The following MERTK variants were observed in gnomAD, a reference collection of about 807,000 sequenced individuals.
MERTK encodes the protein tyrosine-protein kinase Mer.
A neutral mutation model predicts 99.3 loss-of-function variants in MERTK; 69 were observed. That is an observed-to-expected ratio of 0.70 (90% CI 0.57 to 0.85). The LOEUF (loss-of-function observed/expected upper bound fraction) is 0.85. MERTK is among the 40% of genes least tolerant of loss of function. The pLI, the probability that MERTK is intolerant of heterozygous loss-of-function variation, is 0.00. For missense variants in MERTK, 1,125 were observed against 1,249.4 expected (o/e 0.90, Z 1.50); for synonymous variants, 426 against 467.6 (o/e 0.91, Z 1.15).
chr2:112,026,560 T>C (rs1677464850), intron 18 of MERTK, among the ~76,000 whole-genome samples: 1 of 152,188 alleles, frequency 6.6e-6, no homozygotes, highest in Non-Finnish European at 1.5e-5. Context: ...TAAGTGACCA[T>C]CTAAAGAAGG....
intron 13 of MERTK, among the ~76,000 whole-genome samples, chr2:112,005,009 AGTG>A (rs1676952211): frequency 6.6e-6 from 1 of 152,184 alleles, no homozygotes; most frequent in Admixed American, 6.5e-5. Flanking sequence ...TGACAAAAAT[AGTG>A]GTAGATGCCA....
intron 6 of MERTK, among the ~76,000 whole-genome samples, chr2:111,970,576 A>G (rs1313357732): frequency 6.6e-6 from 1 of 152,222 alleles, no homozygotes; most frequent in African/African-American, 2.4e-5. Context: ...TATATTCATA[A>G]GAGATATTTG....
At chr2:111,934,369 T>A (rs1449289424) in intron 2 of MERTK, among the ~76,000 whole-genome samples, 1 of 152,174 alleles carries the variant, frequency 6.6e-6, no homozygotes, top group Non-Finnish European at 1.5e-5. Flanking sequence ...TTTCTCCACA[T>A]CCTCTCCAGC....
intron 2 of MERTK, 62 bp downstream of exon 2, chr2:111,929,602 A>ATTTAT (rs1553447432): frequency 2.2e-5 from 28 of 1,268,020 alleles, no homozygotes; most frequent in Middle Eastern, 2.7e-4. Flanking sequence ...TTATTTACTT[A>ATTTAT]TTGAGACAGA....
intron 1 of MERTK, among the ~76,000 whole-genome samples, chr2:111,908,606 A>G (rs1684184992): frequency 6.6e-6 from 1 of 152,204 alleles, no homozygotes; most frequent in Non-Finnish European, 1.5e-5. Flanking sequence ...CATGTCAGTT[A>G]CATTTGATTG....
chr2:111,905,856 A>G (rs1287704715), intron 1 of MERTK, among the ~76,000 whole-genome samples: 1 of 152,186 alleles, frequency 6.6e-6, no homozygotes, highest in Non-Finnish European at 1.5e-5. Context: ...TCAATGGTAA[A>G]TGGATTTTCC....
At chr2:111,916,604 T>G (rs564807164) in intron 1 of MERTK, among the ~76,000 whole-genome samples, 1 of 152,318 alleles carries the variant, frequency 6.6e-6, no homozygotes, top group South Asian at 2.1e-4. Flanking sequence ...ATTTCTTTGC[T>G]GTGGCTTTCT....
intron 15 of MERTK, among the ~76,000 whole-genome samples, chr2:112,014,989 A>C (rs1232476012): frequency 6.6e-6 from 1 of 152,174 alleles, no homozygotes; most frequent in African/African-American, 2.4e-5. Flanking sequence ...TATGTCTTTG[A>C]GATCCAACCA....
chr2:112,007,921 A>C (rs1376800932), intron 13 of MERTK, among the ~76,000 whole-genome samples: 2 of 151,896 alleles, frequency 1.3e-5, no homozygotes, highest in Non-Finnish European at 2.9e-5. Context: ...TCAGGTTTGC[A>C]GAAAAATTGG....
At position 112,001,042 on chromosome 2, in the gene MERTK, A is replaced by G. The variant is rs556045824; in HGVS notation, c.1605-159A>G. On this transcript the variant is annotated intron_variant, in intron 10 of 18. Transcript: ENST00000295408. The stretch of plus-strand genomic sequence containing the variant: ...TTTCAATATTGCCAAGTAAGTCTAA[A>G]ATAAATCAAAGGAAAGAAACACGTT... 2.0e-5 allele frequency among the ~76,000 whole-genome samples: 3 copies of G among 152,310 alleles called. No homozygotes were observed. In the South Asian group the frequency reaches 6.2e-4, roughly 32 times the overall value.
chr2:111,970,848 C>A (rs1676105566), intron 6 of MERTK, among the ~76,000 whole-genome samples: 2 of 132,810 alleles, frequency 1.5e-5, no homozygotes, highest in African/African-American at 5.8e-5. Flanking sequence ...TCTCCTCCTT[C>A]TCCTCCTCCT....
chr2:111,990,948 A>T (rs1249288297), intron 8 of MERTK, among the ~76,000 whole-genome samples: 2 of 152,122 alleles, frequency 1.3e-5, no homozygotes, highest in Non-Finnish European at 2.9e-5. Flanking sequence ...TTTTGAGATG[A>T]TTCTCTCATA....
intron 15 of MERTK, among the ~76,000 whole-genome samples, chr2:112,010,639 T>C (rs987685455): frequency 1.1e-4 from 17 of 152,314 alleles, no homozygotes; most frequent in Admixed American, 3.3e-4. Context: ...TGGAGACGCT[T>C]GCCTTTCTTC....
intron 18 of MERTK, among the ~76,000 whole-genome samples, chr2:112,026,527 A>C (rs1677464294): frequency 6.6e-6 from 1 of 152,186 alleles, no homozygotes; most frequent in Non-Finnish European, 1.5e-5. Flanking sequence ...TCAAAAATAA[A>C]AACAGAAACC....
intron 15 of MERTK, among the ~76,000 whole-genome samples, chr2:112,012,917 T>C (rs1677135351): frequency 6.6e-6 from 1 of 152,132 alleles, no homozygotes; most frequent in South Asian, 2.1e-4. Context: ...TAGGCAAAAA[T>C]GTGAGACCCA....
intron 2 of MERTK, among the ~76,000 whole-genome samples, chr2:111,938,195 G>A (rs1684797158): frequency 6.6e-6 from 1 of 152,086 alleles, no homozygotes; most frequent in Non-Finnish European, 1.5e-5. Context: ...TCCCACCTCA[G>A]CCTCCCCAGT....
intron 1 of MERTK, among the ~76,000 whole-genome samples, chr2:111,912,239 C>A (rs1053640615): frequency 1.3e-5 from 2 of 151,918 alleles, no homozygotes; most frequent in African/African-American, 4.8e-5. Context: ...GAATTCCTGA[C>A]CTCATGATTT....
intron 2 of MERTK, chr2:111,940,821 C>T: frequency 1.0e-6 from 1 of 990,054 alleles, no homozygotes; most frequent in Non-Finnish European, 1.6e-6. Flanking sequence ...GATCTTGAAT[C>T]TTTAAACGAC....
chr2:111,936,070 C>T (rs1167663763), intron 2 of MERTK, among the ~76,000 whole-genome samples: 1 of 152,080 alleles, frequency 6.6e-6, no homozygotes, highest in African/African-American at 2.4e-5. Context: ...GCGCCCGCCA[C>T]CATGCCCAGC....
Sources: allele counts gnomAD v4.1 joint callset (sites outside exome capture counted in the v4.1 genomes callset), GRCh38; gene constraint gnomAD v4.1.1; transcripts MANE v1.5; gene names NCBI Gene and HGNC (gene_info 2026-07-23, HGNC 2026-07-21).